Variants in RTN4RL1 observed in about 807,000 individuals in gnomAD.
The protein encoded by RTN4RL1 is reticulon-4 receptor-like 1.
RTN4RL1 carries 7 observed loss-of-function variants against 25.6 expected under a neutral mutation model. The ratio of observed to expected loss-of-function variants is 0.27; its 90% CI spans 0.16 to 0.51. The LOEUF is 0.51. Among genes scored for constraint, RTN4RL1 ranks in the 20% least tolerant of loss-of-function variants. The probability of loss-of-function intolerance (pLI) is 0.97; values close to 1 mark genes in which losing one functional copy is unlikely to be tolerated. For missense variants in RTN4RL1, 500 were observed against 615.6 expected (o/e 0.81, Z 1.99); for synonymous variants, 297 against 288.2 (o/e 1.03, Z -0.31).
intron 1 of RTN4RL1, among the ~76,000 whole-genome samples, chr17:1,965,462 GCA>G (rs1276208192): frequency 1.3e-5 from 2 of 152,168 alleles, no homozygotes; most frequent in Non-Finnish European, 2.9e-5. Flanking sequence ...ACCTGTGGCT[GCA>G]CAGAGTTGGT....
At chr17:1,962,756 G>A (rs534838899) in intron 1 of RTN4RL1, among the ~76,000 whole-genome samples, 7 of 151,292 alleles carry the variant, frequency 4.6e-5, no homozygotes, top group Non-Finnish European at 7.4e-5. Flanking sequence ...CCAGCCACTC[G>A]GGAGGCTGAG....
intron 1 of RTN4RL1, among the ~76,000 whole-genome samples, chr17:1,980,306 A>G (rs1259125199): frequency 6.6e-6 from 1 of 151,334 alleles, no homozygotes; most frequent in Non-Finnish European, 1.5e-5. Flanking sequence ...CCTGGGCTCA[A>G]GTGATCTGCC....
At chr17:2,014,322 G>GT (rs2067091214) in intron 1 of RTN4RL1, among the ~76,000 whole-genome samples, 1 of 152,294 alleles carries the variant, frequency 6.6e-6, no homozygotes, top group South Asian at 2.1e-4. Flanking sequence ...TCACATAAAA[G>GT]TATTATCATC....
At chr17:1,992,965 G>A (rs553880372) in intron 1 of RTN4RL1, among the ~76,000 whole-genome samples, 17 of 152,266 alleles carry the variant, frequency 1.1e-4, no homozygotes, top group Non-Finnish European at 2.1e-4. Flanking sequence ...GGTGAGGGCC[G>A]GGCGCGGTGG....
chr17:2,011,484 T>C (rs2067049246), intron 1 of RTN4RL1, among the ~76,000 whole-genome samples: 2 of 151,608 alleles, frequency 1.3e-5, no homozygotes, highest in East Asian at 1.9e-4. Context: ...GAGGGGAAGA[T>C]GAAAGGCCGT....
At position 1,961,773 on chromosome 17, in the gene RTN4RL1, C is replaced by CAAAAAAAAAAAA. The variant is rs1163170575; in HGVS notation, c.14-23977_14-23966dup. Among the ~76,000 whole-genome samples, 109 of 55,562 alleles carry CAAAAAAAAAAAA rather than the reference C, an allele frequency of 2.0e-3. 3 individuals carry two copies. Among genetic ancestry groups the CAAAAAAAAAAAA allele is most frequent in the Non-Finnish European group, 2.5e-3 (76 of 30,124 alleles). 36.5% of individuals were successfully genotyped at this position (55,562 alleles called of 152,430 possible). A position where few individuals can be genotyped will look rare whatever the true frequency, so the allele number is the denominator to read the frequency against. ...TGAAACCCTGTCTCCACTAAAAATACAAAAAAAAAAAAAAAAAAAAAAAAA... is the reference window on the plus strand; with the variant it reads ...TGAAACCCTGTCTCCACTAAAAATACAAAAAAAAAAAAAAAAAAAAAAAAAAAAAAAAAAAAA... On this transcript the variant is annotated intron_variant, in intron 1 of 1. Transcript: ENST00000331238.
intron 1 of RTN4RL1, among the ~76,000 whole-genome samples, chr17:1,964,280 ATTTGGT>A (rs1048712273): frequency 3.3e-5 from 5 of 152,196 alleles, no homozygotes; most frequent in Non-Finnish European, 7.3e-5. Context: ...TTTTGAATAT[ATTTGGT>A]TAAATATAAA....
chr17:2,011,028 G>C (rs761040665), intron 1 of RTN4RL1, among the ~76,000 whole-genome samples: 2 of 152,138 alleles, frequency 1.3e-5, no homozygotes, highest in Non-Finnish European at 2.9e-5. Context: ...AAGGCAGGCG[G>C]ATCACCTGAG....
At chr17:1,966,330 TCTC>T (rs1313219183) in intron 1 of RTN4RL1, among the ~76,000 whole-genome samples, 1 of 152,098 alleles carries the variant, frequency 6.6e-6, no homozygotes, top group East Asian at 1.9e-4. Context: ...CGAGGCCCCC[TCTC>T]CTGTCAGGAG....
intron 1 of RTN4RL1, among the ~76,000 whole-genome samples, chr17:1,957,341 A>T (rs1446280150): frequency 6.6e-6 from 1 of 152,096 alleles, no homozygotes; most frequent in Non-Finnish European, 1.5e-5. Flanking sequence ...CCCGTGAGCT[A>T]TGTAAAACAG....
intron 1 of RTN4RL1, 114 bp from the exon 2 acceptor site, chr17:1,937,922 C>G: frequency 1.1e-6 from 1 of 883,824 alleles, no homozygotes; most frequent in Non-Finnish European, 1.7e-6. Context: ...TCCGTGAGAG[C>G]CTTGTCCCTG....
chr17:1,936,714 C>A lies in RTN4RL1; in HGVS notation c.1108G>T (p.Ala370Ser). 6.3e-7 allele frequency: 1 copy of A among 1,583,664 alleles called. No homozygotes were observed. The highest frequency in any genetic ancestry group is 8.6e-7 in the Non-Finnish European group (1 of 1,167,552). ...RNRNQISKAG[A>S]GKQAPELPDY... ...GGCAGCTCGGGGGCCTGTTTCCCGG[C>A]GCCCGCCTTAGAGATCTGATTGCGG... The change falls in exon 2 of 2, where the codon GCC becomes TCC. Residue 370 changes from alanine to serine, a missense_variant. Ala to Ser is a moderately conservative substitution (Grantham distance 99, BLOSUM62 1). This residue lies in a region of RTN4RL1 where 268 missense variants were observed against 274.5 expected (regional missense o/e 0.98). Coordinates refer to ENST00000331238, the MANE Select transcript of RTN4RL1 (RefSeq NM_178568.4).
Position 1,940,773 on chromosome 17 carries a change from C to T in RTN4RL1, c.14-2965G>A, listed in dbSNP as rs571751124. Among the ~76,000 whole-genome samples the T allele has an allele frequency of 2.6e-5, 4 of 152,246 alleles. No homozygotes were observed. In the South Asian group the frequency reaches 8.3e-4, roughly 32 times the overall value. The stretch of plus-strand genomic sequence containing the variant: ...TGCTACCCTCCAGGAAGGTGCTTCC[C>T]GCACCTGTAGGAAGCTTCCTCCCCC... On this transcript the variant is annotated intron_variant, in intron 1 of 1. Transcript: ENST00000331238.
chr17:1,970,498 C>T (rs750753800), intron 1 of RTN4RL1, among the ~76,000 whole-genome samples: 10 of 152,206 alleles, frequency 6.6e-5, no homozygotes, highest in Admixed American at 1.3e-4. Context: ...TAGATCCAGC[C>T]GCAGACCCAG....
At chr17:1,945,414 G>T (rs1915515715) in intron 1 of RTN4RL1, among the ~76,000 whole-genome samples, 1 of 151,884 alleles carries the variant, frequency 6.6e-6, no homozygotes, top group African/African-American at 2.4e-5. Context: ...GTAGAAATGG[G>T]GTTTCACCAT....
chr17:1,936,767 G>A lies in RTN4RL1; in HGVS notation c.1055C>T (p.Pro352Leu), dbSNP rs770067596. The A allele has an allele frequency of 3.4e-5, 54 of 1,593,954 alleles. No individual in the cohort carries two copies. The highest frequency in any genetic ancestry group is 4.1e-5 in the Non-Finnish European group (48 of 1,171,682). The stretch of plus-strand genomic sequence containing the variant: ...CCTGGGGTTGGTGCAGTTCTTCCCC[G>A]GCTTCCTGTGGCCGGGCCGGGGGCC... Reference protein sequence around the residue: ...PHGPRPGHRKPGKNCTNPRNR... With the variant: ...PHGPRPGHRKLGKNCTNPRNR... The change falls in exon 2 of 2, where the codon CCG (proline) becomes CTG (leucine). Residue 352 changes from proline to leucine, a missense_variant. Pro to Leu is a moderately conservative substitution (Grantham distance 98). Around this residue, in one of 2 missense-constraint regions of RTN4RL1, gnomAD observed 268 missense variants for 274.5 expected, o/e 0.98. Transcript: ENST00000331238.
chr17:2,018,667 G>A (rs1276377981), intron 1 of RTN4RL1, among the ~76,000 whole-genome samples: 2 of 152,186 alleles, frequency 1.3e-5, no homozygotes, highest in East Asian at 1.9e-4. Flanking sequence ...AGCGGGGGCT[G>A]CATCCTGACT....
chr17:1,946,923 T>G (rs1421723148), intron 1 of RTN4RL1, among the ~76,000 whole-genome samples: 4 of 149,272 alleles, frequency 2.7e-5, no homozygotes, highest in Non-Finnish European at 5.9e-5. Flanking sequence ...TGTGTCTGTG[T>G]GCATCTCTGT....
Position 1,936,951 on chromosome 17 carries a change from G to T in RTN4RL1, c.871C>A (p.Gln291Lys). Residue 291 changes from glutamine to lysine, a missense_variant, in exon 2 of 2, where the codon CAG becomes AAG. This residue lies in a region of RTN4RL1 where 268 missense variants were observed against 274.5 expected (regional missense o/e 0.98). Transcript: ENST00000331238. ...PCVSPGLRHG[Q>K]DLKLLRAEDF... ...TCGGCCCTCAGCAGCTTCAGGTCCTGGCCGTGCCGCAGCCCAGGGGACACA... is the reference window on the plus strand; with the variant it reads ...TCGGCCCTCAGCAGCTTCAGGTCCTTGCCGTGCCGCAGCCCAGGGGACACA... 1.2e-6 allele frequency: 2 copies of T among 1,609,074 alleles called. No homozygotes were observed. The highest frequency in any genetic ancestry group is 1.7e-6 in the Non-Finnish European group (2 of 1,178,922).
Sources: allele counts gnomAD v4.1 joint callset (sites outside exome capture counted in the v4.1 genomes callset), GRCh38; gene constraint gnomAD v4.1.1; regional missense constraint gnomAD v4.1.1; transcripts MANE v1.5; gene names NCBI Gene and HGNC (gene_info 2026-07-23, HGNC 2026-07-21).